EP400: variants seen among roughly 807,000 people sequenced by gnomAD.
The protein encoded by EP400 is E1A binding protein p400.
A neutral mutation model predicts 354.1 loss-of-function variants in EP400; 105 were observed. The observed-to-expected ratio is 0.30, with a 90% confidence interval of 0.25 to 0.35. EP400 has a LOEUF of 0.35. Ranked by LOEUF, EP400 falls within the 10% of genes least tolerant of loss-of-function variation. The probability of loss-of-function intolerance (pLI) is 1.00; values close to 1 mark genes in which losing one functional copy is unlikely to be tolerated. For missense variants in EP400, 3,280 were observed against 4,121.0 expected (o/e 0.80, Z 5.59); for synonymous variants, 1,646 against 1,716.9 (o/e 0.96, Z 1.02).
chr12:131,957,829 C>G (rs909407105), intron 1 of EP400, among the ~76,000 whole-genome samples: 13 of 152,148 alleles, frequency 8.5e-5, no homozygotes, highest in African/African-American at 3.1e-4. Flanking sequence ...CTCCTGACCT[C>G]CAGTGATCCG....
chr12:132,005,610 A>G (rs1047895644), intron 13 of EP400, among the ~76,000 whole-genome samples: 3 of 152,152 alleles, frequency 2.0e-5, no homozygotes, highest in Non-Finnish European at 2.9e-5. Context: ...ACAGTTAGAC[A>G]CCTGCATGCG....
intron 39 of EP400, 121 bp downstream of exon 39, chr12:132,046,021 G>A (rs764538186): frequency 6.6e-5 from 85 of 1,279,766 alleles, no homozygotes; most frequent in Admixed American, 4.8e-4. Context: ...GTGGGTCTGC[G>A]GTGAAGTCCA....
chr12:131,980,140 A>G (rs1441378397), intron 3 of EP400, among the ~76,000 whole-genome samples: 1 of 152,156 alleles, frequency 6.6e-6, no homozygotes, highest in African/African-American at 2.4e-5. Context: ...ATACATTTTT[A>G]TATAAAAGAC....
chr12:131,954,134 C>T (rs546873785), intron 1 of EP400, among the ~76,000 whole-genome samples: 9 of 151,878 alleles, frequency 5.9e-5, no homozygotes, highest in South Asian at 4.2e-4. Context: ...GAAAATTTTA[C>T]GGTGAACACT....
At chr12:131,973,436 G>A (rs1245271621) in intron 2 of EP400, among the ~76,000 whole-genome samples, 1 of 152,204 alleles carries the variant, frequency 6.6e-6, no homozygotes, top group East Asian at 1.9e-4. Context: ...GAGGCCAGGA[G>A]TTTGAGACCA....
rs1230890734 is a variant in EP400, at chr12:132,044,225, A to G, written c.6499A>G (p.Thr2167Ala). The G allele has an allele frequency of 6.2e-7, 1 of 1,614,178 alleles. No homozygotes were observed. Among genetic ancestry groups the G allele is most frequent in the East Asian group, 2.2e-5 (1 of 44,882 alleles). Residue 2167 changes from threonine to alanine, a missense_variant, in exon 35 of 53, where the codon ACC becomes GCC. Thr to Ala is a moderately conservative substitution (Grantham distance 58). Around this residue, in one of 20 missense-constraint regions of EP400, gnomAD observed 231 missense variants for 257.9 expected, o/e 0.90. Coordinates refer to ENST00000389561, the MANE Select transcript of EP400 (RefSeq NM_015409.5). The stretch of plus-strand genomic sequence containing the variant: ...GGCATGGGAGTTCTGGAACCTGAAG[A>G]CCCTGCAGGAGAGGGAGGCCCGGCT... ...VRAWEFWNLK[T>A]LQEREARLRL...
At chr12:131,988,176 C>T (rs944928075) in intron 7 of EP400, among the ~76,000 whole-genome samples, 17 of 151,804 alleles carry the variant, frequency 1.1e-4, no homozygotes, top group African/African-American at 3.4e-4. Flanking sequence ...CTGGCAGACT[C>T]ACTCTAGAGG....
Position 132,021,232 on chromosome 12 carries a change from C to T in EP400, c.4601C>T (p.Pro1534Leu). The change falls in exon 23 of 53, where the codon CCC (proline) becomes CTC (leucine). Residue 1534 changes from proline to leucine, a missense_variant. Physicochemically the swap from Pro to Leu is moderately conservative, Grantham distance 98 (BLOSUM62 -3). This residue lies in a region of EP400 where 342 missense variants were observed against 342.7 expected (regional missense o/e 1.00). Coordinates refer to ENST00000389561, the MANE Select transcript of EP400 (RefSeq NM_015409.5). ...GCCTCCACCCCAGGCCAGCCCCCGCCCCAGCCCCAGGCCCCCTCGCACGCG... is the reference window on the plus strand; with the variant it reads ...GCCTCCACCCCAGGCCAGCCCCCGCTCCAGCCCCAGGCCCCCTCGCACGCG... Reference protein sequence around the residue: ...AQASTPGQPPPQPQAPSHAAG... With the variant: ...AQASTPGQPPLQPQAPSHAAG... 7 of 1,570,278 alleles carry T rather than the reference C, an allele frequency of 4.5e-6. No individual in the cohort carries two copies. Among genetic ancestry groups the T allele is most frequent in the Non-Finnish European group, 6.0e-6 (7 of 1,165,170 alleles).
At chr12:132,008,877 C>T (rs895873913) in intron 15 of EP400, among the ~76,000 whole-genome samples, 3 of 149,866 alleles carry the variant, frequency 2.0e-5, no homozygotes, top group African/African-American at 7.4e-5. Flanking sequence ...ACCTCAGCCT[C>T]CCAAAGTGCT....
At chr12:132,044,605 T>C in intron 35 of EP400, 66 bp from the exon 36 acceptor site, 1 of 1,586,928 alleles carries the variant, frequency 6.3e-7, no homozygotes, top group Non-Finnish European at 8.6e-7. Context: ...TGAAGGTACA[T>C]GATTTGTGGC....
Position 131,979,676 on chromosome 12 carries a change from T to A in EP400, c.1336-18T>A. 6.3e-7 allele frequency: 1 copy of A among 1,598,656 alleles called. No homozygotes were observed. The highest frequency in any genetic ancestry group is 8.5e-7 in the Non-Finnish European group (1 of 1,174,604). On this transcript the variant is annotated intron_variant, in intron 2 of 52. Transcript: ENST00000389561. ...GCCTTCAGTGATCAAAATCTCATTTTTTCATCTTTTTTCCCAGCAGCAAGC... is the reference window on the plus strand; with the variant it reads ...GCCTTCAGTGATCAAAATCTCATTTATTCATCTTTTTTCCCAGCAGCAAGC...
chr12:132,045,699 C>CTA (rs1276291081), intron 38 of EP400, 28 bp from the exon 39 acceptor site: 2 of 1,612,962 alleles, frequency 1.2e-6, no homozygotes, highest in African/African-American at 2.7e-5. Context: ...GTGTATTCAC[C>CTA]TGTTTTACCT....
At chr12:132,004,476 CT>C (rs1893516087) in intron 12 of EP400, among the ~76,000 whole-genome samples, 1 of 151,688 alleles carries the variant, frequency 6.6e-6, no homozygotes, top group Admixed American at 6.6e-5. Flanking sequence ...AACATTTTTG[CT>C]TTTTGTTTCT....
chr12:132,003,201 A>T (rs1893475428), intron 12 of EP400, among the ~76,000 whole-genome samples: 1 of 151,480 alleles, frequency 6.6e-6, no homozygotes, highest in African/African-American at 2.4e-5. Context: ...TTAAAAAAAA[A>T]AAAAACAGCC....
In EP400 at chr12:132,017,103, A is replaced by G. The variant is rs1187184398; in HGVS notation, c.3924-432A>G. On this transcript the variant is annotated intron_variant, in intron 19 of 52. Transcript: ENST00000389561. The surrounding 1 kb of genome is among the most constrained non-coding windows in gnomAD (Gnocchi z 5.0). ...CACTGGGTGGTAAGCCGCACAGGGC[A>G]TGGACCTGGGTCCTCGTCTACCCCC... 4.6e-5 allele frequency among the ~76,000 whole-genome samples: 7 copies of G among 152,212 alleles called. No individual in the cohort carries two copies. In the South Asian group the frequency reaches 1.0e-3, roughly 23 times the overall value.
In EP400 at chr12:131,989,966, C is replaced by T. The variant is rs748933346; in HGVS notation, c.2412C>T (p.Leu804=). ...RRWKVAAAKK[L]VRTVVRHHEE... ...ATTCTTGCACTTTTATTCACCAGCT[C>T]GTTAGAACTGTGGTGCGCCATCACG... Residue 804 remains leucine (L), a splice_region_variant and synonymous_variant, in exon 8 of 53, where the codon CTC becomes CTT. Coordinates refer to ENST00000389561, the MANE Select transcript of EP400 (RefSeq NM_015409.5). The T allele has an allele frequency of 1.5e-5, 24 of 1,613,594 alleles. 1 individual carries two copies. The highest frequency in any genetic ancestry group is 4.5e-5 in the East Asian group (2 of 44,872).
chr12:132,045,579 T>C lies in EP400; in HGVS notation c.7026+19T>C. 6.2e-7 allele frequency: 1 copy of C among 1,612,970 alleles called. No homozygotes were observed. Among genetic ancestry groups the C allele is most frequent in the South Asian group, 1.1e-5 (1 of 91,028 alleles). ...GCTGCAGGTAGGTGGGCGTGGTCTT[T>C]GTGCCAGCGGTCATGTGCGGTCATT... On this transcript the variant is annotated intron_variant, in intron 38 of 52. Coordinates refer to ENST00000389561, the MANE Select transcript of EP400 (RefSeq NM_015409.5).
At position 132,029,708 on chromosome 12, in the gene EP400, T is replaced by C; in HGVS notation, c.5389T>C (p.Phe1797Leu). The C allele has an allele frequency of 6.2e-7, 1 of 1,612,268 alleles. No individual in the cohort carries two copies. Among genetic ancestry groups the C allele is most frequent in the East Asian group, 2.2e-5 (1 of 44,856 alleles). ...SLQDVIDRVA[F>L]VIPPVVAAPP... ...ATGCTTTCTGCTCCTCAGGGTGGCC[T>C]TTGTGATTCCTCCGGTGGTGGCAGC... The change falls in exon 28 of 53, where the codon TTT becomes CTT. Residue 1797 changes from phenylalanine (F) to leucine (L), a missense_variant. By Grantham distance (22) the Phe-to-Leu change is conservative (BLOSUM62 0). Around this residue, in one of 20 missense-constraint regions of EP400, gnomAD observed 459 missense variants for 496.9 expected, o/e 0.92. Transcript: ENST00000389561. This position sits in a 1 kb window ranked among gnomAD's most constrained non-coding sequence, Gnocchi z 4.7.
intron 45 of EP400, among the ~76,000 whole-genome samples, chr12:132,059,105 A>T (rs959557047): frequency 1.3e-5 from 2 of 152,252 alleles, no homozygotes; most frequent in Non-Finnish European, 2.9e-5. Flanking sequence ...GGGAGGGAAG[A>T]AACTCAGAGA....
Sources: allele counts gnomAD v4.1 joint callset (sites outside exome capture counted in the v4.1 genomes callset), GRCh38; gene constraint gnomAD v4.1.1; regional missense constraint gnomAD v4.1.1; non-coding constraint Gnocchi (gnomAD v3.1); transcripts MANE v1.5; gene names NCBI Gene and HGNC (gene_info 2026-07-23, HGNC 2026-07-21).